ASH1L: variants seen among roughly 807,000 people sequenced by gnomAD.
ASH1L encodes the protein histone-lysine N-methyltransferase ASH1L.
Under a neutral mutation model 269.0 loss-of-function variants are expected in ASH1L, and 23 were observed. The observed-to-expected ratio is 0.09, with a 90% CI of 0.06 to 0.12. The LOEUF (loss-of-function observed/expected upper bound fraction) is 0.12, where lower values mean the gene tolerates loss of function less well. Among genes scored for constraint, ASH1L ranks in the 10% least tolerant of loss-of-function variants. The pLI is 1.00. For missense variants in ASH1L, 2,912 were observed against 3,567.8 expected (o/e 0.82, Z 4.68); for synonymous variants, 1,187 against 1,253.5 (o/e 0.95, Z 1.12).
rs749542568 is a variant in ASH1L at position 155,438,954 on chromosome 1, A to G, written c.5201T>C (p.Ile1734Thr). ...NEDQEPMEKS[I>T]DAVIATASAP... ...AGAGGCAGTTGCAATCACAGCATCA[A>G]TACTTTTCTCCATGGGCTCTTGGTC... The change falls in exon 5 of 28, where the codon ATT becomes ACT. Residue 1734 changes from isoleucine (I) to threonine (T), a missense_variant. By Grantham distance (89) the Ile-to-Thr change is moderately conservative. Transcript: ENST00000392403. The G allele has an allele frequency of 3.7e-5, 59 of 1,614,104 alleles. No homozygotes were observed. Among genetic ancestry groups the G allele is most frequent in the Admixed American group, 1.5e-4 (9 of 59,998 alleles).
In ASH1L at chr1:155,357,423, T is replaced by A; in HGVS notation, c.6961-13A>T. ...AGAGATGGCCTCTCTGAAAAAGAGA[T>A]GGATCAGATTAGAGATTTAAAAAAA... On this transcript the variant is annotated splice_polypyrimidine_tract_variant and intron_variant, in intron 14 of 27. Transcript: ENST00000392403. 1 of 1,607,598 alleles carries A rather than the reference T, an allele frequency of 6.2e-7. No individual in the cohort carries two copies. The highest frequency in any genetic ancestry group is 8.5e-7 in the Non-Finnish European group (1 of 1,174,472).
At chr1:155,500,578 A>AG (rs2148792837) in intron 2 of ASH1L, among the ~76,000 whole-genome samples, 1 of 152,248 alleles carries the variant, frequency 6.6e-6, no homozygotes, top group African/African-American at 2.4e-5. Context: ...GAAAAAAAAA[A>AG]GCACTCTGAG....
In ASH1L at chr1:155,360,385, A is replaced by G; in HGVS notation, c.6711T>C (p.Ile2237=). ...QKWSVNGVYR[I]GLYALKDMPA... Reference sequence around the variant, plus strand: ...GCATGTCTTTAAGAGCATAGAGTCCAATCCGGTATACTCCATTAACAGACC... The same window carrying G: ...GCATGTCTTTAAGAGCATAGAGTCCGATCCGGTATACTCCATTAACAGACC... Residue 2237 remains isoleucine, a synonymous_variant, in exon 13 of 28, where the codon ATT becomes ATC. Transcript: ENST00000392403. The G allele has an allele frequency of 6.2e-7, 1 of 1,610,926 alleles. No homozygotes were observed. The highest frequency in any genetic ancestry group is 1.1e-5 in the South Asian group (1 of 91,038).
At chr1:155,351,808 G>A (rs1653953053) in intron 17 of ASH1L, among the ~76,000 whole-genome samples, 2 of 151,550 alleles carry the variant, frequency 1.3e-5, no homozygotes, top group Non-Finnish European at 2.9e-5. Flanking sequence ...CCGAGATCAT[G>A]CCACTGCACT....
intron 12 of ASH1L, among the ~76,000 whole-genome samples, chr1:155,360,616 G>C (rs544154780): frequency 6.6e-6 from 1 of 150,636 alleles, no homozygotes; most frequent in South Asian, 2.1e-4. Flanking sequence ...GCTAATTTTT[G>C]TATTTTTAGT....
intron 1 of ASH1L, among the ~76,000 whole-genome samples, chr1:155,553,753 T>C (rs573405962): frequency 6.6e-6 from 1 of 152,210 alleles, no homozygotes; most frequent in African/African-American, 2.4e-5. Context: ...GCAAATGTAT[T>C]ACATAATATT....
chr1:155,339,198 T>C, intron 26 of ASH1L, 130 bp downstream of exon 26: 2 of 764,896 alleles, frequency 2.6e-6, no homozygotes, highest in African/African-American at 3.5e-5. Flanking sequence ...GTGCTGGCAC[T>C]ACACTGGGCT....
At chr1:155,403,953 G>A (rs1005701898) in intron 6 of ASH1L, among the ~76,000 whole-genome samples, 13 of 151,440 alleles carry the variant, frequency 8.6e-5, no homozygotes, top group East Asian at 1.9e-4. Context: ...CTACTCGGGA[G>A]GCTGAGGCAG....
chr1:155,439,557 A>T (rs1180377494), intron 4 of ASH1L, among the ~76,000 whole-genome samples: 1 of 152,072 alleles, frequency 6.6e-6, no homozygotes, highest in East Asian at 1.9e-4. Flanking sequence ...AAAATTAGCC[A>T]GGCATGCTGG....
At chr1:155,443,259 G>A (rs940850186) in intron 4 of ASH1L, among the ~76,000 whole-genome samples, 2 of 152,100 alleles carry the variant, frequency 1.3e-5, no homozygotes, top group African/African-American at 4.8e-5. Context: ...CCTAAAATGG[G>A]TACACACTTT....
rs772513051 is a variant in ASH1L at position 155,475,146 on chromosome 1, C to CT, written c.4984+2739dup. Among the ~76,000 whole-genome samples, 40 of 151,310 alleles carry CT rather than the reference C, an allele frequency of 2.6e-4. 1 individual carries two copies. Among genetic ancestry groups the CT allele is most frequent in the Admixed American group, 1.1e-3 (16 of 15,180 alleles). ...TCTTAAAACATGTTCTTCACTGTGG[C>CT]TTTTTTTTTATTTTTATTTTTTGAG... On this transcript the variant is annotated intron_variant, in intron 3 of 27. Coordinates refer to ENST00000392403, the MANE Select transcript of ASH1L (RefSeq NM_018489.3).
chr1:155,348,884 TAAAA>T lies in ASH1L; in HGVS notation c.7554+439_7554+442del, dbSNP rs66853194. Among the ~76,000 whole-genome samples the T allele has an allele frequency of 7.2e-4, 66 of 91,858 alleles. 1 individual carries two copies. The highest frequency in any genetic ancestry group is 2.5e-3 in the African/African-American group (63 of 24,982). The allele number at this position is 91,858 out of a possible 152,430, so 60.3% of individuals were successfully genotyped here. A position where few individuals can be genotyped will look rare whatever the true frequency, so the allele number is the denominator to read the frequency against. Reference sequence around the variant, plus strand: ...TGACAGAGCAAGATTCTGTCTCATTTAAAAAAAAAAAAAAAATATATATATATAC... The same window carrying T: ...TGACAGAGCAAGATTCTGTCTCATTTAAAAAAAAAAAATATATATATATAC... On this transcript the variant is annotated intron_variant, in intron 19 of 27. Coordinates refer to ENST00000392403, the MANE Select transcript of ASH1L (RefSeq NM_018489.3).
intron 3 of ASH1L, among the ~76,000 whole-genome samples, 179 bp downstream of exon 3, chr1:155,477,704 AAAT>A (rs1366498272): frequency 1.3e-5 from 2 of 152,170 alleles, no homozygotes; most frequent in African/African-American, 2.4e-5. Context: ...CAAAACAAAA[AAAT>A]AATATAGACA....
Position 155,373,211 on chromosome 1 carries a change from T to TAAAAAAAAAAC in ASH1L, c.6333-2239_6333-2229dup, listed in dbSNP as rs1308538813. ...CTGGGCAAAAGAGTGAGGCTCTGTC[T>TAAAAAAAAAAC]AAAAAAAAAACAAAAAAAAAACAAA... On this transcript the variant is annotated intron_variant, in intron 10 of 27. Transcript: ENST00000392403. 1.2e-4 allele frequency among the ~76,000 whole-genome samples: 13 copies of TAAAAAAAAAAC among 112,706 alleles called. No individual in the cohort carries two copies. The East Asian group carries it at 3.2e-3, about 28-fold the overall frequency. 73.9% of individuals were successfully genotyped at this position (112,706 alleles called of 152,430 possible).
At chr1:155,369,609 T>C (rs1455769453) in intron 12 of ASH1L, among the ~76,000 whole-genome samples, 1 of 152,170 alleles carries the variant, frequency 6.6e-6, no homozygotes, top group African/African-American at 2.4e-5. Flanking sequence ...TGCTAATCTA[T>C]TTGAGGGGAA....
intron 4 of ASH1L, among the ~76,000 whole-genome samples, chr1:155,448,774 C>A (rs1426228299): frequency 6.6e-6 from 1 of 152,068 alleles, no homozygotes; most frequent in Non-Finnish European, 1.5e-5. Context: ...GGATTACAGG[C>A]GTGAGCAACT....
Position 155,423,546 on chromosome 1 carries a change from C to T in ASH1L, c.5829-7623G>A, listed in dbSNP as rs567053644. ...ATCGTGCCACCGCACTCCAGCCTGG[C>T]GACAGAGCAAGACTCTGTCTCAAAA... On this transcript the variant is annotated intron_variant, in intron 5 of 27. Transcript: ENST00000392403. Among the ~76,000 whole-genome samples the T allele has an allele frequency of 5.3e-5, 8 of 151,880 alleles. No individual in the cohort carries two copies. In the East Asian group the frequency reaches 1.2e-3, roughly 22 times the overall value.
intron 12 of ASH1L, among the ~76,000 whole-genome samples, chr1:155,363,533 G>A (rs940799431): frequency 6.6e-6 from 1 of 151,538 alleles, no homozygotes. Context: ...CATGACCCAC[G>A]GAGCCTGGCT....
At chr1:155,378,111 A>T (rs992510713) in intron 10 of ASH1L, among the ~76,000 whole-genome samples, 170 bp downstream of exon 10, 1 of 152,210 alleles carries the variant, frequency 6.6e-6, no homozygotes, top group African/African-American at 2.4e-5. Flanking sequence ...ACAAGACTCT[A>T]AATCTCATTC....
Sources: allele counts gnomAD v4.1 joint callset (sites outside exome capture counted in the v4.1 genomes callset), GRCh38; gene constraint gnomAD v4.1.1; transcripts MANE v1.5; gene names NCBI Gene and HGNC (gene_info 2026-07-23, HGNC 2026-07-21).